The following TEX9 variants were observed in gnomAD, a reference collection of about 807,000 sequenced individuals.
TEX9 encodes testis expressed 9.
TEX9 carries 74 observed loss-of-function variants against 59.6 expected under a neutral mutation model. The ratio of observed to expected loss-of-function variants is 1.24; its 90% CI spans 1.03 to 1.51. The LOEUF (loss-of-function observed/expected upper bound fraction) is 1.51, where lower values mean the gene tolerates loss of function less well. Ranked by LOEUF, TEX9 falls within the 40% of genes most tolerant of loss-of-function variation. The probability of loss-of-function intolerance (pLI) is 0.00; values close to 1 mark genes in which losing one functional copy is unlikely to be tolerated. For synonymous variants in TEX9, 186 were observed against 152.2 expected (o/e 1.22, Z -1.64); for missense variants, 522 against 447.8 (o/e 1.17, Z -1.49).
At chr15:56,419,892 C>T (rs1466898781) in intron 10 of TEX9, among the ~76,000 whole-genome samples, 1 of 151,860 alleles carries the variant, frequency 6.6e-6, no homozygotes, top group Non-Finnish European at 1.5e-5. Flanking sequence ...GTAAAGCCGT[C>T]TGGGCCTGAG....
intron 8 of TEX9, 71 bp from the exon 9 acceptor site, chr15:56,394,590 T>C: frequency 8.6e-7 from 1 of 1,169,368 alleles, no homozygotes; most frequent in Non-Finnish European, 1.2e-6. Context: ...ATGAAACGTC[T>C]TTTTTTCTGC....
In TEX9 at chr15:56,346,511, A is replaced by G. The variant is rs1355813316; in HGVS notation, c.-106-26930A>G. Among the ~76,000 whole-genome samples the G allele has an allele frequency of 9.2e-5, 14 of 152,216 alleles. 1 individual carries two copies. Among genetic ancestry groups the G allele is most frequent in the Admixed American group, 7.9e-4 (12 of 15,270 alleles). ...TAAAGCCCCAGAATTAAGTCAGTTC[A>G]ACTTCCATTTGCTACTCTGATATCC... On this transcript the variant is annotated intron_variant, in intron 1 of 5. Transcript: ENST00000560827.
intron 1 of TEX9, among the ~76,000 whole-genome samples, chr15:56,333,477 T>TAAA (rs35539808): frequency 0.084 from 11,970 of 142,138 alleles, 591 homozygotes; most frequent in East Asian, 0.16. Flanking sequence ...TCCTTCATGA[T>TAAA]AAAAAAAAAA....
intron 9 of TEX9, among the ~76,000 whole-genome samples, chr15:56,410,473 TA>T (rs1180161116): frequency 1.3e-5 from 2 of 151,170 alleles, no homozygotes; most frequent in East Asian, 1.9e-4. Context: ...GTTTTTTTTT[TA>T]AAAAAAAACT....
intron 1 of TEX9, among the ~76,000 whole-genome samples, chr15:56,298,999 C>T (rs528191480): frequency 1.3e-5 from 2 of 152,296 alleles, no homozygotes; most frequent in South Asian, 4.1e-4. Context: ...TCCCCCCAAA[C>T]CCCTTCAAGG....
chr15:56,326,825 A>G (rs1237328259), intron 1 of TEX9, among the ~76,000 whole-genome samples: 1 of 152,224 alleles, frequency 6.6e-6, no homozygotes, highest in Non-Finnish European at 1.5e-5. Context: ...AATCTGGAAT[A>G]AAAAGCCCTC....
At chr15:56,403,919 G>C (rs1477914121) in intron 9 of TEX9, among the ~76,000 whole-genome samples, 1 of 152,174 alleles carries the variant, frequency 6.6e-6, no homozygotes, top group African/African-American at 2.4e-5. Flanking sequence ...TAGGAAAACT[G>C]GCTAGCCATA....
At chr15:56,274,914 A>T (rs1349975028) in intron 1 of TEX9, among the ~76,000 whole-genome samples, 1 of 152,082 alleles carries the variant, frequency 6.6e-6, no homozygotes, top group East Asian at 1.9e-4. Context: ...TGAAGTTCCT[A>T]ATCCCACCCT....
At chr15:56,294,735 A>G (rs1249450929) in intron 1 of TEX9, among the ~76,000 whole-genome samples, 1 of 152,194 alleles carries the variant, frequency 6.6e-6, no homozygotes, top group Non-Finnish European at 1.5e-5. Flanking sequence ...TACCATGGTA[A>G]TGCTTGGGTA....
chr15:56,460,009 A>AT, the TEX9 span, among the ~76,000 whole-genome samples: 2 of 26,386 alleles, frequency 7.6e-5, no homozygotes, highest in Admixed American at 5.6e-4. Context: ...AAAAAAAAAA[A>AT]ATACATATAT....
intron 3 of TEX9, among the ~76,000 whole-genome samples, chr15:56,378,010 A>C (rs11071265): frequency 0.13 from 19,834 of 152,132 alleles, 1,738 homozygotes; most frequent in East Asian, 0.38. Context: ...TGTTGATATG[A>C]TATATCACAT....
chr15:56,393,252 C>G (rs2048301753), intron 7 of TEX9, among the ~76,000 whole-genome samples: 1 of 152,142 alleles, frequency 6.6e-6, no homozygotes, highest in African/African-American at 2.4e-5. Context: ...TCCCTACTCA[C>G]CTGGAGTTAC....
At chr15:56,362,797 T>G (rs755123501), upstream of TEX9, among the ~76,000 whole-genome samples, 1 of 152,232 alleles carries the variant, frequency 6.6e-6, no homozygotes, top group Non-Finnish European at 1.5e-5. Context: ...TGTAGTCATA[T>G]TGAAATAGAA....
chr15:56,307,298 C>T (rs1246945007), intron 1 of TEX9, among the ~76,000 whole-genome samples: 2 of 152,172 alleles, frequency 1.3e-5, no homozygotes, highest in African/African-American at 4.8e-5. Flanking sequence ...CAGCCTCTAG[C>T]GAGAGCCTGC....
chr15:56,391,092 A>C (rs1165423706), intron 6 of TEX9, 151 bp from the exon 7 acceptor site: 4 of 417,758 alleles, frequency 9.6e-6, no homozygotes, highest in Non-Finnish European at 4.1e-6. Context: ...TATAATCCTT[A>C]AAAATATCAA....
intron 2 of TEX9, among the ~76,000 whole-genome samples, chr15:56,370,605 G>A (rs1166850112): frequency 6.6e-6 from 1 of 152,192 alleles, no homozygotes; most frequent in African/African-American, 2.4e-5. Context: ...AGAAATGTTA[G>A]AATGTCAGAA....
At chr15:56,323,980 A>T (rs973744213) in intron 1 of TEX9, among the ~76,000 whole-genome samples, 2 of 152,148 alleles carry the variant, frequency 1.3e-5, no homozygotes, top group African/African-American at 4.8e-5. Flanking sequence ...GTCTTTAGAT[A>T]TCATGCCCTG....
chr15:56,282,282 C>G (rs1339538846), intron 1 of TEX9, among the ~76,000 whole-genome samples: 2 of 152,078 alleles, frequency 1.3e-5, no homozygotes, highest in South Asian at 2.1e-4. Flanking sequence ...GCCAAAAGGA[C>G]ATTTAATAAA....
chr15:56,360,037 T>C (rs1189402996), intron 1 of TEX9, among the ~76,000 whole-genome samples: 1 of 152,214 alleles, frequency 6.6e-6, no homozygotes, highest in African/African-American at 2.4e-5. Flanking sequence ...AATTCATTGA[T>C]TGATTTTAGA....
Sources: allele counts gnomAD v4.1 joint callset (sites outside exome capture counted in the v4.1 genomes callset), GRCh38; gene constraint gnomAD v4.1.1; transcripts MANE v1.5; gene names NCBI Gene and HGNC (gene_info 2026-07-23, HGNC 2026-07-21).